Variants in SH3BGRL2 observed in about 807,000 individuals in gnomAD.
SH3BGRL2 encodes the protein SH3 domain-binding glutamic acid-rich-like protein 2.
A neutral mutation model predicts 14.8 loss-of-function variants in SH3BGRL2; 21 were observed. The ratio of observed to expected loss-of-function variants is 1.42; its 90% CI spans 1.01 to 2.05. The LOEUF (loss-of-function observed/expected upper bound fraction) is 2.05. Ranked by LOEUF, SH3BGRL2 falls within the 30% of genes most tolerant of loss-of-function variation. SH3BGRL2 has a pLI of 0.00. For missense variants in SH3BGRL2, 147 were observed against 130.8 expected (o/e 1.12, Z -0.61); for synonymous variants, 50 against 47.8 (o/e 1.05, Z -0.19).
intron 1 of SH3BGRL2, among the ~76,000 whole-genome samples, chr6:79,635,512 A>T (rs925994164): frequency 3.5e-4 from 54 of 152,244 alleles, no homozygotes; most frequent in African/African-American, 1.3e-3. Context: ...GGTGTATATG[A>T]TGGTCAGAAC....
rs572188898 is a variant in SH3BGRL2, at chr6:79,670,984, T to G, written c.46-2630T>G. Among the ~76,000 whole-genome samples the G allele has an allele frequency of 2.0e-4, 30 of 152,270 alleles. 1 individual carries two copies. The highest frequency in any genetic ancestry group is 1.6e-3 in the Admixed American group (24 of 15,302). Reference sequence around the variant, plus strand: ...CAGAACTGTGTCATGTGATTAACAATAGAGGTGTTTGCGTAAACATGATGT... The same window carrying G: ...CAGAACTGTGTCATGTGATTAACAAGAGAGGTGTTTGCGTAAACATGATGT... On this transcript the variant is annotated intron_variant, in intron 1 of 3. Transcript: ENST00000369838.
At chr6:79,578,658 A>G in the SH3BGRL2 span, among the ~76,000 whole-genome samples, 1 of 152,230 alleles carries the variant, frequency 6.6e-6, no homozygotes, top group African/African-American at 2.4e-5. Context: ...ACCAACATCA[A>G]ATACCAAAGG....
rs75107083 is a variant in SH3BGRL2, at chr6:79,690,875, T to C, written c.232-5610T>C. ...AAGATCAGCCTGGGCAATATAATGA[T>C]ACCTCATCTCTACAGATAGGTGGTC... is the stretch of plus-strand genomic sequence containing the variant. On this transcript the variant is annotated intron_variant, in intron 2 of 3. Transcript: ENST00000369838. Among the ~76,000 whole-genome samples, 26 of 152,306 alleles carry C rather than the reference T, an allele frequency of 1.7e-4. No individual in the cohort carries two copies. The East Asian group carries it at 4.6e-3, about 27-fold the overall frequency.
chr6:79,577,759 A>T, the SH3BGRL2 span, among the ~76,000 whole-genome samples: 12,889 of 152,174 alleles, frequency 0.085, 716 homozygotes, highest in Non-Finnish European at 0.12. Flanking sequence ...GGTTCATCTC[A>T]CTGGGACTGG....
intron 1 of SH3BGRL2, among the ~76,000 whole-genome samples, chr6:79,635,125 G>T (rs561980336): frequency 1.3e-5 from 2 of 152,142 alleles, no homozygotes; most frequent in African/African-American, 4.8e-5. Context: ...GCCTGGCAGT[G>T]GGGGAGCCCT....
chr6:79,585,800 T>C, the SH3BGRL2 span, among the ~76,000 whole-genome samples: 1 of 152,062 alleles, frequency 6.6e-6, no homozygotes, highest in African/African-American at 2.4e-5. Flanking sequence ...AATCAAGATA[T>C]AGCTGTAAAG....
chr6:79,539,536 T>G, the SH3BGRL2 span, among the ~76,000 whole-genome samples: 2 of 152,378 alleles, frequency 1.3e-5, no homozygotes, highest in South Asian at 4.1e-4. Flanking sequence ...CTTCTTCCAT[T>G]GATACTGCAA....
chr6:79,591,276 T>C, the SH3BGRL2 span, among the ~76,000 whole-genome samples: 1 of 152,198 alleles, frequency 6.6e-6, no homozygotes, highest in African/African-American at 2.4e-5. Flanking sequence ...GTATCAGTAA[T>C]TATCAACAAT....
the SH3BGRL2 span, among the ~76,000 whole-genome samples, chr6:79,550,066 T>G: frequency 2.7e-4 from 41 of 152,206 alleles, no homozygotes; most frequent in African/African-American, 9.9e-4. Context: ...AAAAAAATGT[T>G]TCTTGTTTTT....
the SH3BGRL2 span, among the ~76,000 whole-genome samples, chr6:79,563,846 C>G: frequency 2.0e-5 from 3 of 152,078 alleles, no homozygotes; most frequent in African/African-American, 7.2e-5. Flanking sequence ...GTGATACAAG[C>G]AAAAATTAAC....
At chr6:79,594,681 T>C in the SH3BGRL2 span, among the ~76,000 whole-genome samples, 1 of 152,082 alleles carries the variant, frequency 6.6e-6, no homozygotes. Flanking sequence ...CATGGAGTTA[T>C]CAGGAGCTCC....
At chr6:79,653,631 C>T (rs960652060) in intron 1 of SH3BGRL2, among the ~76,000 whole-genome samples, 2 of 152,146 alleles carry the variant, frequency 1.3e-5, no homozygotes, top group African/African-American at 4.8e-5. Flanking sequence ...GCCCTTGGCA[C>T]TGTTTTCATA....
In SH3BGRL2 at chr6:79,701,435, G is replaced by T. The variant is rs1278373542; in HGVS notation, c.*1926G>T. ...AAGGTTGAGGCTTTGCAAGTTAACT[G>T]CTGGGGTTATAGGATCAATACCATA... On this transcript the variant is annotated 3_prime_UTR_variant, in exon 4 of 4. Coordinates refer to ENST00000369838, the MANE Select transcript of SH3BGRL2 (RefSeq NM_031469.4). 1 of 152,110 alleles carries T rather than the reference G, an allele frequency of 6.6e-6. No individual in the cohort carries two copies. The highest frequency in any genetic ancestry group is 6.5e-5 in the Admixed American group (1 of 15,270). The allele number at this position is 152,110 out of a possible 1,614,324, so 9.4% of individuals were successfully genotyped here.
chr6:79,649,936 G>A (rs541530773), intron 1 of SH3BGRL2, among the ~76,000 whole-genome samples: 108 of 148,944 alleles, frequency 7.3e-4, no homozygotes, highest in African/African-American at 2.5e-3. Flanking sequence ...AAAGGGTTTT[G>A]TTTTGTTATT....
At chr6:79,616,977 C>T in the SH3BGRL2 span, among the ~76,000 whole-genome samples, 7 of 152,084 alleles carry the variant, frequency 4.6e-5, no homozygotes, top group African/African-American at 1.7e-4. Context: ...CACCTGAGGT[C>T]GGGAGTTTGA....
At chr6:79,660,438 C>T (rs757373964) in intron 1 of SH3BGRL2, among the ~76,000 whole-genome samples, 2 of 142,760 alleles carry the variant, frequency 1.4e-5, no homozygotes, top group Non-Finnish European at 3.2e-5. Flanking sequence ...TGATGGATTA[C>T]GTTTATTGAT....
chr6:79,603,205 ACT>A, the SH3BGRL2 span, among the ~76,000 whole-genome samples: 3 of 152,138 alleles, frequency 2.0e-5, no homozygotes, highest in Non-Finnish European at 4.4e-5. Flanking sequence ...TAAAAGGGTG[ACT>A]CTAAGTAAAA....
chr6:79,566,470 T>C, the SH3BGRL2 span, among the ~76,000 whole-genome samples: 2 of 152,162 alleles, frequency 1.3e-5, no homozygotes, highest in African/African-American at 4.8e-5. Flanking sequence ...TATTATTCTA[T>C]TGTCCCAAAC....
the SH3BGRL2 span, among the ~76,000 whole-genome samples, chr6:79,554,062 T>C: frequency 6.6e-6 from 1 of 152,170 alleles, no homozygotes; most frequent in African/African-American, 2.4e-5. Context: ...TACAGTATTA[T>C]TCATAAGCTA....
Sources: gnomAD v4.1 joint callset for allele counts (sites outside exome capture counted in the v4.1 genomes callset) on GRCh38, gnomAD v4.1.1 for gene constraint, MANE v1.5 for transcripts, NCBI Gene and HGNC (gene_info 2026-07-23, HGNC 2026-07-21) for gene names.